OR14I1: variants seen among roughly 807,000 people sequenced by gnomAD.
OR14I1 encodes olfactory receptor 14I1.
For missense variants in OR14I1, 279 were observed against 181.8 expected, an observed-to-expected ratio of 1.53 and a Z score of -3.07; for synonymous variants, 118 against 71.1, an observed-to-expected ratio of 1.66 and a Z score of -3.32.
the OR14I1 span, among the ~76,000 whole-genome samples, chr1:248,689,674 C>T: frequency 6.6e-6 from 1 of 152,122 alleles, no homozygotes; most frequent in Non-Finnish European, 1.5e-5. Flanking sequence ...ACCAATGAGA[C>T]AGAAAATTAA....
At chr1:248,678,518 T>C (rs150100644), downstream of OR14I1, among the ~76,000 whole-genome samples, 283 of 152,322 alleles carry the variant, frequency 1.9e-3, 1 homozygote, top group African/African-American at 6.6e-3. Context: ...TGTTTCTAAA[T>C]AATCCACAGG....
At chr1:248,700,636 A>G in the OR14I1 span, among the ~76,000 whole-genome samples, 1 of 152,228 alleles carries the variant, frequency 6.6e-6, no homozygotes, top group Non-Finnish European at 1.5e-5. Flanking sequence ...TAAGTCAACT[A>G]TCAGGTTTTA....
chr1:248,696,439 T>TGGCA, the OR14I1 span, among the ~76,000 whole-genome samples: 3 of 152,156 alleles, frequency 2.0e-5, no homozygotes, highest in Admixed American at 1.3e-4. Flanking sequence ...TGACAGCAGG[T>TGGCA]GGCAGCAAGA....
upstream of OR14I1, among the ~76,000 whole-genome samples, chr1:248,684,775 TATAC>T (rs1558191027): frequency 1.5e-5 from 2 of 134,140 alleles, no homozygotes; most frequent in Non-Finnish European, 3.3e-5. Context: ...TATATATATA[TATAC>T]ACACACACAC....
At chr1:248,682,331 G>T (rs751355771), upstream of OR14I1, 2 of 707,520 alleles carry the variant, frequency 2.8e-6, no homozygotes, top group South Asian at 1.7e-5. Flanking sequence ...TGATCTGATT[G>T]TTGAGAAAAA....
the OR14I1 span, among the ~76,000 whole-genome samples, chr1:248,688,291 A>C: frequency 6.6e-6 from 1 of 152,238 alleles, no homozygotes; most frequent in Non-Finnish European, 1.5e-5. Context: ...GCTTCTGTAG[A>C]TTTAAGCCAA....
chr1:248,679,041 C>T (rs112922158), downstream of OR14I1, among the ~76,000 whole-genome samples: 1,500 of 152,272 alleles, frequency 9.9e-3, 14 homozygotes, highest in Middle Eastern at 0.044. Context: ...CTGTTAGATC[C>T]TGATCCTTGT....
the OR14I1 span, among the ~76,000 whole-genome samples, chr1:248,698,503 A>AT: frequency 1.2e-4 from 18 of 152,322 alleles, no homozygotes; most frequent in Middle Eastern, 3.4e-3. Context: ...TATCAGTAGC[A>AT]TACAGGATAC....
the OR14I1 span, among the ~76,000 whole-genome samples, chr1:248,688,487 C>A: frequency 1.3e-5 from 2 of 152,166 alleles, no homozygotes; most frequent in African/African-American, 4.8e-5. Flanking sequence ...AGTGGTTTTC[C>A]AACCCACCTT....
the OR14I1 span, among the ~76,000 whole-genome samples, chr1:248,690,694 C>A: frequency 3.0e-4 from 41 of 138,194 alleles, no homozygotes; most frequent in Middle Eastern, 9.3e-3. Context: ...CTATTCCAAA[C>A]AACAGAAAAA....
the OR14I1 span, chr1:248,692,343 C>G: frequency 6.5e-6 from 1 of 152,796 alleles, no homozygotes; most frequent in Admixed American, 6.5e-5. Context: ...ACTCTTCCAG[C>G]CTGCATTCCC....
At chr1:248,698,718 C>G in the OR14I1 span, 5 of 152,208 alleles carry the variant, frequency 3.3e-5, no homozygotes, top group Admixed American at 2.6e-4. Context: ...CTCATTGCCT[C>G]TGCTGCAGAG....
chr1:248,691,003 C>T, the OR14I1 span, among the ~76,000 whole-genome samples: 8 of 152,196 alleles, frequency 5.3e-5, no homozygotes, highest in African/African-American at 1.2e-4. Context: ...ACATGATTAT[C>T]TCAATAGATG....
chr1:248,688,525 G>A, the OR14I1 span, among the ~76,000 whole-genome samples: 11 of 152,340 alleles, frequency 7.2e-5, no homozygotes, highest in East Asian at 2.1e-3. Flanking sequence ...TACTAAGTGG[G>A]TGGAACCCAC....
chr1:248,700,254 A>C, the OR14I1 span, among the ~76,000 whole-genome samples: 1 of 152,242 alleles, frequency 6.6e-6, no homozygotes, highest in African/African-American at 2.4e-5. Context: ...TTTTAAAATA[A>C]CTGAAGTATA....
upstream of OR14I1, among the ~76,000 whole-genome samples, chr1:248,686,977 TGGA>T (rs574289548): frequency 2.0e-5 from 3 of 152,302 alleles, no homozygotes; most frequent in South Asian, 6.2e-4. Flanking sequence ...CGCCACAGTC[TGGA>T]GGAGATTGGC....
At chr1:248,680,150 T>C (rs539938135), downstream of OR14I1, among the ~76,000 whole-genome samples, 22 of 152,180 alleles carry the variant, frequency 1.4e-4, no homozygotes, top group Non-Finnish European at 3.1e-4. Context: ...GGACAGTTTT[T>C]AAGAAAGACA....
chr1:248,702,364 G>A, the OR14I1 span, among the ~76,000 whole-genome samples: 1 of 152,098 alleles, frequency 6.6e-6, no homozygotes, highest in South Asian at 2.1e-4. Flanking sequence ...GGAGAAATTG[G>A]CCAAAACAAA....
At chr1:248,678,921 G>A (rs1186097082), downstream of OR14I1, among the ~76,000 whole-genome samples, 1 of 152,204 alleles carries the variant, frequency 6.6e-6, no homozygotes, top group African/African-American at 2.4e-5. Context: ...AAGCAGCTCA[G>A]AAGCTTGCAG....
Sources: allele counts gnomAD v4.1 joint callset (sites outside exome capture counted in the v4.1 genomes callset), GRCh38; gene constraint gnomAD v4.1.1; transcripts MANE v1.5; gene names NCBI Gene and HGNC (gene_info 2026-07-23, HGNC 2026-07-21).